MFGE8: variants seen among roughly 807,000 people sequenced by gnomAD.
MFGE8 encodes the protein milk fat globule EGF and factor V/VIII domain containing.
MFGE8 carries 34 observed loss-of-function variants against 42.6 expected under a neutral mutation model. The ratio of observed to expected loss-of-function variants is 0.80; its 90% CI spans 0.61 to 1.06. The LOEUF (loss-of-function observed/expected upper bound fraction) is 1.06. MFGE8 is among the 50% of genes least tolerant of loss of function. The pLI is 0.00. For missense variants in MFGE8, 510 were observed against 516.9 expected (o/e 0.99, Z 0.13); for synonymous variants, 230 against 214.8 (o/e 1.07, Z -0.62).
chr15:88,909,056 T>C (rs977532764), intron 2 of MFGE8, among the ~76,000 whole-genome samples: 1 of 152,130 alleles, frequency 6.6e-6, no homozygotes, highest in Non-Finnish European at 1.5e-5. Flanking sequence ...TGGGCCCACA[T>C]GTGGGCAACC....
intron 1 of MFGE8, among the ~76,000 whole-genome samples, chr15:88,911,804 G>C (rs1487862894): frequency 6.6e-6 from 1 of 151,806 alleles, no homozygotes; most frequent in African/African-American, 2.4e-5. Context: ...GAGTCCTCCT[G>C]AAATCTCAAA....
intron 1 of MFGE8, 167 bp from the exon 2 acceptor site, chr15:88,910,090 G>C: frequency 1.2e-6 from 1 of 853,136 alleles, no homozygotes; most frequent in South Asian, 1.5e-5. Flanking sequence ...AGTCCGCCTA[G>C]AGCCAAGGAA....
chr15:88,906,305 A>C lies in MFGE8; in HGVS notation c.540+321T>G. ...CTGCTTAGCAATGACATCCTTGAGC[A>C]GTGTACAACCTACACAACTGTACAT... On this transcript the variant is annotated intron_variant, in intron 4 of 7. Coordinates refer to ENST00000268150, the MANE Select transcript of MFGE8 (RefSeq NM_005928.4). This position sits in a 1 kb window ranked among gnomAD's most constrained non-coding sequence, Gnocchi z 4.2. 1 of 460,118 alleles carries C rather than the reference A, an allele frequency of 2.2e-6. No individual in the cohort carries two copies. Among genetic ancestry groups the C allele is most frequent in the South Asian group, 2.1e-5 (1 of 47,778 alleles). The allele number at this position is 460,118 out of a possible 1,614,324, so 28.5% of individuals were successfully genotyped here.
At chr15:88,901,517 A>AAACCCAAAAAGCAGACC in intron 6 of MFGE8, 34 bp downstream of exon 6, 1 of 1,072,604 alleles carries the variant, frequency 9.3e-7, no homozygotes. Context: ...ATCCCACCCA[A>AAACCCAAAAAGCAGACC]CCCCAGCCCC....
At chr15:88,907,710 CCCCG>C (rs1301933228) in intron 2 of MFGE8, among the ~76,000 whole-genome samples, 1 of 151,066 alleles carries the variant, frequency 6.6e-6, no homozygotes, top group Non-Finnish European at 1.5e-5. Flanking sequence ...GTAGAGTCCC[CCCCG>C]CCAGGCTGTG....
Position 88,906,716 on chromosome 15 carries a change from G to A in MFGE8, c.450C>T (p.Ala150=), listed in dbSNP as rs1898695534. Residue 150 remains alanine, a synonymous_variant, in exon 4 of 8, where the codon GCC becomes GCT. Transcript: ENST00000268150. The surrounding 1 kb of genome is among the most constrained non-coding windows in gnomAD (Gnocchi z 4.2). Reference sequence around the variant, plus strand: ...TGAAGGCCTTCAGGTACTCATGACTGGCCAAGCGGCTGGCACCCTGCGTCA... The same window carrying A: ...TGAAGGCCTTCAGGTACTCATGACTAGCCAAGCGGCTGGCACCCTGCGTCA... ...GVVTQGASRL[A]SHEYLKAFKV... 3 of 1,613,818 alleles carry A rather than the reference G, an allele frequency of 1.9e-6. No individual in the cohort carries two copies. Among genetic ancestry groups the A allele is most frequent in the Non-Finnish European group, 2.5e-6 (3 of 1,179,922 alleles).
At chr15:88,909,496 C>T (rs1004308285) in intron 2 of MFGE8, among the ~76,000 whole-genome samples, 2 of 152,228 alleles carry the variant, frequency 1.3e-5, no homozygotes, top group African/African-American at 4.8e-5. Context: ...ACAGCACTCC[C>T]GTGACCTCCA....
At chr15:88,901,279 ACT>A (rs1340635357) in intron 6 of MFGE8, among the ~76,000 whole-genome samples, 2 of 148,162 alleles carry the variant, frequency 1.3e-5, no homozygotes, top group South Asian at 2.2e-4. Context: ...ATTCACACAC[ACT>A]CACATTCACA....
At position 88,898,751 on chromosome 15, in the gene MFGE8, G is replaced by A. The variant is rs1354529703; in HGVS notation, c.*644C>T. ...CTCTGGGGTGAAAAGCCAGCATAGA[G>A]GGCCCCAAACGCCCACCCTGCCAAC... On this transcript the variant is annotated 3_prime_UTR_variant, in exon 8 of 8. Coordinates refer to ENST00000268150, the MANE Select transcript of MFGE8 (RefSeq NM_005928.4). 1.3e-5 allele frequency: 2 copies of A among 156,930 alleles called. No homozygotes were observed. The highest frequency in any genetic ancestry group is 4.8e-5 in the African/African-American group (2 of 41,430). 9.7% of individuals were successfully genotyped at this position (156,930 alleles called of 1,614,324 possible). A position where few individuals can be genotyped will look rare whatever the true frequency, so the allele number is the denominator to read the frequency against.
In MFGE8 at chr15:88,906,261, C is replaced by A; in HGVS notation, c.541-360G>T. 1 of 453,022 alleles carries A rather than the reference C, an allele frequency of 2.2e-6. No homozygotes were observed. Among genetic ancestry groups the A allele is most frequent in the Non-Finnish European group, 4.1e-6 (1 of 244,728 alleles). The allele number at this position is 453,022 out of a possible 1,614,324, so 28.1% of individuals were successfully genotyped here. A position where few individuals can be genotyped will look rare whatever the true frequency, so the allele number is the denominator to read the frequency against. On this transcript the variant is annotated intron_variant, in intron 4 of 7. Coordinates refer to ENST00000268150, the MANE Select transcript of MFGE8 (RefSeq NM_005928.4). This position sits in a 1 kb window ranked among gnomAD's most constrained non-coding sequence, Gnocchi z 4.2. ...GACAGAGTTCCACAAATGTACAATGCCTGTACTGTGAATGGTGCCTGCTTA... is the reference window on the plus strand; with the variant it reads ...GACAGAGTTCCACAAATGTACAATGACTGTACTGTGAATGGTGCCTGCTTA...
At position 88,899,689 on chromosome 15, in the gene MFGE8, A is replaced by G; in HGVS notation, c.993T>C (p.Thr331=). Residue 331 remains threonine (T), a synonymous_variant, in exon 7 of 8, where the codon ACT becomes ACC. Transcript: ENST00000268150. This position sits in a 1 kb window ranked among gnomAD's most constrained non-coding sequence, Gnocchi z 6.8. ...VAYSNDSANW[T]EYQDPRTGSS... ...TGCCAGTCCTGGGGTCCTGGTACTC[A>G]GTCCAGTTCGCACTGTCATTACTGT... 6.2e-7 allele frequency: 1 copy of G among 1,614,236 alleles called. No homozygotes were observed.
chr15:88,901,236 C>T lies in MFGE8; in HGVS notation c.870+315G>A, dbSNP rs1249841084. Reference sequence around the variant, plus strand: ...ACACATTCACACATACACATTCACACACACATTCACACGCACGCATTCACA... The same window carrying T: ...ACACATTCACACATACACATTCACATACACATTCACACGCACGCATTCACA... On this transcript the variant is annotated intron_variant, in intron 6 of 7. Transcript: ENST00000268150. Among the ~76,000 whole-genome samples the T allele has an allele frequency of 1.7e-4, 19 of 113,522 alleles. 3 individuals carry two copies. The highest frequency in any genetic ancestry group is 5.4e-4 in the African/African-American group (19 of 35,020). The allele number at this position is 113,522 out of a possible 152,430, so 74.5% of individuals were successfully genotyped here.
At chr15:88,901,527 C>CCA in intron 6 of MFGE8, 24 bp downstream of exon 6, 8 of 1,490,720 alleles carry the variant, frequency 5.4e-6, no homozygotes, top group Non-Finnish European at 5.6e-6. Flanking sequence ...ACCCCAGCCC[C>CCA]ATATCCCAAG....
chr15:88,910,016 C>A, intron 1 of MFGE8, 93 bp from the exon 2 acceptor site: 1 of 1,513,050 alleles, frequency 6.6e-7, no homozygotes, highest in Non-Finnish European at 9.2e-7. Flanking sequence ...CAAAAGGACC[C>A]TCCACTCAAA....
chr15:88,906,680 G>A lies in MFGE8; in HGVS notation c.486C>T (p.Tyr162=). ...AATCGAATTCGTGTCCATTAAGGCT[G>A]TAGGCCACCTTGAAGGCCTTCAGGT... The part of the protein sequence containing the change: ...HEYLKAFKVA[Y]SLNGHEFDFI... The change falls in exon 4 of 8, where the codon TAC becomes TAT. Residue 162 remains tyrosine, a synonymous_variant. Transcript: ENST00000268150. This position sits in a 1 kb window ranked among gnomAD's most constrained non-coding sequence, Gnocchi z 4.2. The A allele has an allele frequency of 3.7e-6, 6 of 1,614,056 alleles. No individual in the cohort carries two copies. Among genetic ancestry groups the A allele is most frequent in the Non-Finnish European group, 5.1e-6 (6 of 1,179,992 alleles).
rs908784455 is a variant in MFGE8, at chr15:88,913,296, G to A, written c.24C>T (p.Ala8=). 6.8e-7 allele frequency: 1 copy of A among 1,474,466 alleles called. No homozygotes were observed. The highest frequency in any genetic ancestry group is 1.5e-5 in the African/African-American group (1 of 68,188). 91.3% of individuals were successfully genotyped at this position (1,474,466 alleles called of 1,614,324 possible). The change falls in exon 1 of 8, where the codon GCC becomes GCT. Residue 8 remains alanine (A), a synonymous_variant. Coordinates refer to ENST00000268150, the MANE Select transcript of MFGE8 (RefSeq NM_005928.4). ...CGCAGAGCAGCGCGCCGCACAGCGC[G>A]GCCAGCAGGCGGGGGCGCGGCATGC... MPRPRLL[A]ALCGALLCAP... is the part of the protein sequence containing the mutation.
rs757153628 is a variant in MFGE8 at position 88,905,625 on chromosome 15, C to T, written c.685+132G>A. ...AGGTGACCCCCTAGAGTGCGTTGCCCGAGTGAAGCCTGGTCCCCGTGCCTT... is the reference window on the plus strand; with the variant it reads ...AGGTGACCCCCTAGAGTGCGTTGCCTGAGTGAAGCCTGGTCCCCGTGCCTT... On this transcript the variant is annotated intron_variant, in intron 5 of 7. Coordinates refer to ENST00000268150, the MANE Select transcript of MFGE8 (RefSeq NM_005928.4). The surrounding 1 kb of genome is among the most constrained non-coding windows in gnomAD (Gnocchi z 6.6). 3.0e-5 allele frequency: 39 copies of T among 1,280,232 alleles called. No homozygotes were observed. The highest frequency in any genetic ancestry group is 4.8e-5 in the East Asian group (2 of 41,492). The allele number at this position is 1,280,232 out of a possible 1,614,324, so 79.3% of individuals were successfully genotyped here.
intron 3 of MFGE8, 113 bp downstream of exon 3, chr15:88,907,082 T>C (rs926299456): frequency 2.2e-6 from 3 of 1,361,196 alleles, no homozygotes; most frequent in East Asian, 2.5e-5. Context: ...GGGAACCTGT[T>C]ACCTTGCCAC....
At chr15:88,904,961 A>G (rs72749916) in intron 5 of MFGE8, 16,312 of 155,626 alleles carry the variant, frequency 0.1, 1,001 homozygotes, top group Non-Finnish European at 0.14. Flanking sequence ...AGAGAGAAAT[A>G]CCCAGACCTC....
Sources: gnomAD v4.1 joint callset for allele counts (sites outside exome capture counted in the v4.1 genomes callset) on GRCh38, gnomAD v4.1.1 for gene constraint, Gnocchi (gnomAD v3.1) non-coding constraint, MANE v1.5 for transcripts, NCBI Gene and HGNC (gene_info 2026-07-23, HGNC 2026-07-21) for gene names.